THNSL1: variants seen among roughly 807,000 people sequenced by gnomAD.
The protein encoded by THNSL1 is threonine synthase-like 1.
THNSL1 carries 48 observed loss-of-function variants against 50.4 expected under a neutral mutation model. The observed-to-expected ratio is 0.95, with a 90% confidence interval of 0.76 to 1.21. THNSL1 has a LOEUF of 1.21. Among genes scored for constraint, THNSL1 ranks in the 50% most tolerant of loss-of-function variants. THNSL1 has a pLI of 0.00. For synonymous variants in THNSL1, 309 were observed against 306.1 expected, an observed-to-expected ratio of 1.01 and a Z score of -0.10; for missense variants, 896 against 871.7, an observed-to-expected ratio of 1.03 and a Z score of -0.35.
the THNSL1 span, among the ~76,000 whole-genome samples, chr10:24,977,311 G>A: frequency 6.6e-6 from 1 of 152,164 alleles, no homozygotes; most frequent in South Asian, 2.1e-4. Flanking sequence ...ACAATAAGAA[G>A]TTGGTCATAG....
At chr10:24,986,571 T>G in the THNSL1 span, among the ~76,000 whole-genome samples, 1 of 152,220 alleles carries the variant, frequency 6.6e-6, no homozygotes, top group African/African-American at 2.4e-5. Context: ...AGAGAGGAAG[T>G]CTATGTATTT....
the THNSL1 span, among the ~76,000 whole-genome samples, chr10:24,989,077 C>T: frequency 2.0e-5 from 3 of 152,074 alleles, no homozygotes; most frequent in African/African-American, 7.2e-5. Flanking sequence ...AAGGGAAGGA[C>T]CTGTCACTTC....
the THNSL1 span, among the ~76,000 whole-genome samples, chr10:24,991,890 C>T: frequency 1.3e-5 from 2 of 152,210 alleles, no homozygotes. Flanking sequence ...GAGCTGTAAA[C>T]ATCGACCCAT....
At chr10:24,997,124 G>C in the THNSL1 span, among the ~76,000 whole-genome samples, 3 of 152,164 alleles carry the variant, frequency 2.0e-5, no homozygotes, top group Non-Finnish European at 2.9e-5. Context: ...TGAGGCAGGA[G>C]GATTGCTTGA....
In THNSL1 at chr10:25,023,931, C is replaced by T. The variant is rs756917117; in HGVS notation, c.708C>T (p.His236=). 6.8e-6 allele frequency: 11 copies of T among 1,614,164 alleles called. No individual in the cohort carries two copies. In the East Asian group the frequency reaches 8.9e-5, roughly 13 times the overall value. The part of the protein sequence containing the change: ...VDSETFISTR[H]VWPEDCEQKV... Reference sequence around the variant, plus strand: ...CGGAAACATTCATTTCAACAAGACACGTTTGGCCTGAAGACTGTGAACAGA... The same window carrying T: ...CGGAAACATTCATTTCAACAAGACATGTTTGGCCTGAAGACTGTGAACAGA... The change falls in exon 3 of 3, where the codon CAC becomes CAT. Residue 236 remains histidine, a synonymous_variant. Coordinates refer to ENST00000376356, the MANE Select transcript of THNSL1 (RefSeq NM_024838.5).
At chr10:25,017,864 GTATGTAC>G (rs1269014299) in intron 1 of THNSL1, among the ~76,000 whole-genome samples, 1 of 152,150 alleles carries the variant, frequency 6.6e-6, no homozygotes, top group Non-Finnish European at 1.5e-5. Context: ...GAAACCTCCT[GTATGTAC>G]GAAGATTCGA....
chr10:25,010,468 A>C, the THNSL1 span, among the ~76,000 whole-genome samples: 2 of 151,862 alleles, frequency 1.3e-5, no homozygotes, highest in African/African-American at 4.8e-5. Context: ...TTATACTTTA[A>C]GTTTTAGGGT....
At chr10:24,980,314 T>C in the THNSL1 span, among the ~76,000 whole-genome samples, 1 of 152,068 alleles carries the variant, frequency 6.6e-6, no homozygotes, top group Non-Finnish European at 1.5e-5. Flanking sequence ...CTTCTCTCTC[T>C]GCTTGGAGTT....
chr10:24,982,534 C>G, the THNSL1 span: 2 of 152,168 alleles, frequency 1.3e-5, no homozygotes, highest in African/African-American at 4.8e-5. Flanking sequence ...GTGTCTACTC[C>G]CAAGTGACTG....
At chr10:25,011,922 C>T (rs1015512677), upstream of THNSL1, among the ~76,000 whole-genome samples, 1 of 152,236 alleles carries the variant, frequency 6.6e-6, no homozygotes, top group African/African-American at 2.4e-5. Context: ...TCAGAGGTCT[C>T]CACAGCAGCC....
chr10:24,963,572 G>T, the THNSL1 span, among the ~76,000 whole-genome samples: 1 of 152,102 alleles, frequency 6.6e-6, no homozygotes, highest in African/African-American at 2.4e-5. Flanking sequence ...CAGTTCTGAT[G>T]ATTTTTCTTA....
At chr10:25,004,136 C>T in the THNSL1 span, among the ~76,000 whole-genome samples, 2 of 152,204 alleles carry the variant, frequency 1.3e-5, no homozygotes, top group African/African-American at 2.4e-5. Flanking sequence ...AATAGTATCC[C>T]ATGGTGTATA....
the THNSL1 span, among the ~76,000 whole-genome samples, chr10:24,965,867 A>T: frequency 6.6e-6 from 1 of 152,232 alleles, no homozygotes. Flanking sequence ...AATGAAACGA[A>T]TTCCACAGCC....
the THNSL1 span, among the ~76,000 whole-genome samples, chr10:25,009,658 T>C: frequency 3.3e-5 from 5 of 152,158 alleles, no homozygotes; most frequent in Non-Finnish European, 5.9e-5. Context: ...TCATCTTGAA[T>C]TGTAGCTCCC....
At chr10:24,964,599 T>A in the THNSL1 span, among the ~76,000 whole-genome samples, 8 of 152,240 alleles carry the variant, frequency 5.3e-5, no homozygotes, top group South Asian at 1.7e-3. Flanking sequence ...TTTATAATAT[T>A]AATAGACGTC....
chr10:25,001,807 C>A, the THNSL1 span, among the ~76,000 whole-genome samples: 42 of 152,224 alleles, frequency 2.8e-4, no homozygotes, highest in Middle Eastern at 6.8e-3. Context: ...GTTTTAAGGT[C>A]TTGTCTACTG....
the THNSL1 span, among the ~76,000 whole-genome samples, chr10:24,973,129 T>C: frequency 2.0e-5 from 3 of 152,222 alleles, no homozygotes; most frequent in African/African-American, 7.2e-5. Flanking sequence ...TCTTTCCTTA[T>C]TAAGTCCATA....
chr10:24,987,736 T>C, the THNSL1 span, among the ~76,000 whole-genome samples: 1 of 152,198 alleles, frequency 6.6e-6, no homozygotes, highest in South Asian at 2.1e-4. Flanking sequence ...AACACCAGCC[T>C]GGCAATTGGT....
the THNSL1 span, among the ~76,000 whole-genome samples, chr10:24,974,118 ATAT>A: frequency 6.6e-6 from 1 of 152,186 alleles, no homozygotes. Context: ...ATATTAGAAC[ATAT>A]TATAGGAGAG....
Sources: allele counts gnomAD v4.1 joint callset (sites outside exome capture counted in the v4.1 genomes callset), GRCh38; gene constraint gnomAD v4.1.1; transcripts MANE v1.5; gene names NCBI Gene and HGNC (gene_info 2026-07-23, HGNC 2026-07-21).